Variants in PDE12 observed in about 807,000 individuals in gnomAD.
PDE12 encodes the protein phosphodiesterase 12, also known as 2',5'-phosphodiesterase 12.
In PDE12, 26 loss-of-function variants were observed where a neutral mutation model predicts 45.4. The observed-to-expected ratio is 0.57, with a 90% CI of 0.42 to 0.79. The LOEUF is 0.79. PDE12 is among the 30% of genes least tolerant of loss of function. The pLI, the probability that PDE12 is intolerant of heterozygous loss-of-function variation, is 0.00. For missense variants in PDE12, 668 were observed against 790.0 expected (o/e 0.85, Z 1.85); for synonymous variants, 283 against 323.9 (o/e 0.87, Z 1.36).
chr3:57,568,446 C>A (rs2069805717), downstream of PDE12, among the ~76,000 whole-genome samples: 1 of 151,822 alleles, frequency 6.6e-6, no homozygotes, highest in Non-Finnish European at 1.5e-5. Flanking sequence ...CAGAGCGAGA[C>A]CCTGTCTCAA....
the PDE12 span, among the ~76,000 whole-genome samples, chr3:57,628,589 G>C: frequency 2.0e-5 from 3 of 152,158 alleles, no homozygotes; most frequent in Non-Finnish European, 4.4e-5. Context: ...TTTTTATAGA[G>C]CTTATTAGAT....
chr3:57,569,829 C>CAAAAAAAAA (rs11310053), downstream of PDE12, among the ~76,000 whole-genome samples: 1 of 67,878 alleles, frequency 1.5e-5, no homozygotes, highest in African/African-American at 6.1e-5. Flanking sequence ...AAAACCATCT[C>CAAAAAAAAA]AAAAAAAAAA....
At chr3:57,589,897 C>G in the PDE12 span, among the ~76,000 whole-genome samples, 1 of 150,400 alleles carries the variant, frequency 6.6e-6, no homozygotes, top group African/African-American at 2.4e-5. Flanking sequence ...TTGAAACCAG[C>G]CTGGCCAACA....
In PDE12 at chr3:57,563,399, C is replaced by T. The variant is rs774812604; in HGVS notation, c.*3395C>T. 1 of 152,056 alleles carries T rather than the reference C, an allele frequency of 6.6e-6. No individual in the cohort carries two copies. Among genetic ancestry groups the T allele is most frequent in the Non-Finnish European group, 1.5e-5 (1 of 68,026 alleles). The allele number at this position is 152,056 out of a possible 1,614,324, so 9.4% of individuals were successfully genotyped here. ...TAAGTTCTAGTGTACATGTGCCCAA[C>T]GTGCAGATTTGTTACATAGGTATAC... is the stretch of plus-strand genomic sequence containing the variant. On this transcript the variant is annotated 3_prime_UTR_variant, in exon 3 of 3. Transcript: ENST00000311180.
At chr3:57,634,026 C>G in the PDE12 span, among the ~76,000 whole-genome samples, 1 of 152,086 alleles carries the variant, frequency 6.6e-6, no homozygotes, top group Non-Finnish European at 1.5e-5. Flanking sequence ...GGCTTTTTCA[C>G]TATAATTTCC....
chr3:57,557,312 G>T lies in PDE12; in HGVS notation c.933G>T (p.Glu311Asp), dbSNP rs1021788216. The T allele has an allele frequency of 8.1e-6, 13 of 1,613,846 alleles. No individual in the cohort carries two copies. The Admixed American group carries it at 1.5e-4, about 19-fold the overall frequency. ...TGGCAGACACGTACGCGCAGACTGA[G>T]TTCTCGCGAACGGTTCTGTACCCAT... is the stretch of plus-strand genomic sequence containing the variant. Reference protein sequence around the residue: ...NILADTYAQTEFSRTVLYPYC... With the variant: ...NILADTYAQTDFSRTVLYPYC... Residue 311 changes from glutamate to aspartate, a missense_variant, in exon 1 of 3, where the codon GAG becomes GAT. Coordinates refer to ENST00000311180, the MANE Select transcript of PDE12 (RefSeq NM_177966.7).
the PDE12 span, among the ~76,000 whole-genome samples, chr3:57,575,185 T>C: frequency 1.3e-3 from 195 of 152,026 alleles, no homozygotes; most frequent in Admixed American, 2.2e-3. Flanking sequence ...AAACAAACAT[T>C]ACTGGACCCT....
the PDE12 span, among the ~76,000 whole-genome samples, chr3:57,573,406 ATTAATTTTTTT>A: frequency 6.6e-6 from 1 of 152,166 alleles, no homozygotes; most frequent in South Asian, 2.1e-4. Flanking sequence ...GTTTACTTTT[ATTAATTTTTTT>A]GACCAGTTTA....
chr3:57,608,286 C>A, the PDE12 span, among the ~76,000 whole-genome samples: 1 of 152,058 alleles, frequency 6.6e-6, no homozygotes, highest in South Asian at 2.1e-4. Context: ...CAAAAACATG[C>A]CAAATTGTAA....
chr3:57,634,685 A>T, the PDE12 span: 18 of 1,518,766 alleles, frequency 1.2e-5, no homozygotes, highest in Non-Finnish European at 1.6e-5. Flanking sequence ...TATATTTAAA[A>T]ATCAATAAAA....
At chr3:57,609,528 G>A in the PDE12 span, among the ~76,000 whole-genome samples, 1,343 of 151,918 alleles carry the variant, frequency 8.8e-3, 21 homozygotes, top group South Asian at 0.052. Flanking sequence ...TCAAATAGAC[G>A]CAATAAAAAA....
the PDE12 span, among the ~76,000 whole-genome samples, chr3:57,629,563 GCA>G: frequency 7.0e-6 from 1 of 143,006 alleles, no homozygotes; most frequent in Admixed American, 7.3e-5. Flanking sequence ...CCAGGCTGGA[GCA>G]CAGTGGCGCG....
chr3:57,616,493 AGAG>A, the PDE12 span, among the ~76,000 whole-genome samples: 58 of 151,470 alleles, frequency 3.8e-4, no homozygotes, highest in African/African-American at 9.0e-4. Context: ...AGAAGGAGGA[AGAG>A]GAGGAGGAAG....
the PDE12 span, among the ~76,000 whole-genome samples, chr3:57,653,574 G>A: frequency 2.0e-5 from 3 of 151,606 alleles, no homozygotes; most frequent in African/African-American, 4.8e-5. Context: ...GTGAAACCCC[G>A]TCTCTACTAA....
chr3:57,624,561 C>G, the PDE12 span, among the ~76,000 whole-genome samples: 8 of 151,730 alleles, frequency 5.3e-5, no homozygotes, highest in Non-Finnish European at 1.0e-4. Flanking sequence ...GTCAGGAGTT[C>G]GAGACCAGCC....
chr3:57,646,812 T>A, the PDE12 span, among the ~76,000 whole-genome samples: 1 of 152,200 alleles, frequency 6.6e-6, no homozygotes, highest in Non-Finnish European at 1.5e-5. Flanking sequence ...ATAAGAAAAA[T>A]TAATTTTCCA....
At position 57,560,254 on chromosome 3, in the gene PDE12, A is replaced by C; in HGVS notation, c.*250A>C. ...TACTAGCAAAATAGAAAATTGAATTATTTTTCTCCAAATTGAGACTCTCAG... is the reference window on the plus strand; with the variant it reads ...TACTAGCAAAATAGAAAATTGAATTCTTTTTCTCCAAATTGAGACTCTCAG... On this transcript the variant is annotated 3_prime_UTR_variant, in exon 3 of 3. Coordinates refer to ENST00000311180, the MANE Select transcript of PDE12 (RefSeq NM_177966.7). 8.2e-7 allele frequency: 1 copy of C among 1,225,742 alleles called. No individual in the cohort carries two copies. Among genetic ancestry groups the C allele is most frequent in the Non-Finnish European group, 1.0e-6 (1 of 982,206 alleles). 75.9% of individuals were successfully genotyped at this position (1,225,742 alleles called of 1,614,324 possible). A position where few individuals can be genotyped will look rare whatever the true frequency, so the allele number is the denominator to read the frequency against.
Position 57,559,842 on chromosome 3 carries a change from T to C in PDE12, c.1668T>C (p.Phe556=). The change falls in exon 3 of 3, where the codon TTT becomes TTC. Residue 556 remains phenylalanine, a synonymous_variant. Transcript: ENST00000311180. ...EPAYTNYVGG[F]HGCLDYIFID... ...CTTACACAAATTATGTTGGTGGCTT[T>C]CATGGATGTCTAGATTACATTTTCA... 6.2e-7 allele frequency: 1 copy of C among 1,614,214 alleles called. No homozygotes were observed. The highest frequency in any genetic ancestry group is 1.1e-5 in the South Asian group (1 of 91,084).
chr3:57,627,872 G>GCA, the PDE12 span: 4 of 186,432 alleles, frequency 2.1e-5, no homozygotes, highest in Admixed American at 1.1e-4. Flanking sequence ...GGGCAAAGCA[G>GCA]CACCAATTTA....
Sources: allele counts gnomAD v4.1 joint callset (sites outside exome capture counted in the v4.1 genomes callset), GRCh38; gene constraint gnomAD v4.1.1; transcripts MANE v1.5; gene names NCBI Gene and HGNC (gene_info 2026-07-23, HGNC 2026-07-21).